The following ALS2 variants were observed in gnomAD, a reference collection of about 807,000 sequenced individuals.
ALS2 encodes the protein alsin Rho guanine nucleotide exchange factor ALS2.
In ALS2, 117 loss-of-function variants were observed where a neutral mutation model predicts 203.4. The ratio of observed to expected loss-of-function variants is 0.58; its 90% CI spans 0.50 to 0.67. The LOEUF is 0.67. ALS2 is among the 30% of genes least tolerant of loss of function. The pLI is 0.00. For synonymous variants in ALS2, 718 were observed against 725.9 expected, an observed-to-expected ratio of 0.99 and a Z score of 0.17; for missense variants, 1,715 against 1,989.4, an observed-to-expected ratio of 0.86 and a Z score of 2.62.
At chr2:201,745,491 G>A (rs1692571746) in intron 9 of ALS2, among the ~76,000 whole-genome samples, 1 of 152,068 alleles carries the variant, frequency 6.6e-6, no homozygotes, top group Non-Finnish European at 1.5e-5. Flanking sequence ...TACTAGTTTT[G>A]GGGGTTAATT....
At chr2:201,702,931 C>A (rs555133148) in intron 33 of ALS2, among the ~76,000 whole-genome samples, 5 of 152,250 alleles carry the variant, frequency 3.3e-5, no homozygotes, top group African/African-American at 1.2e-4. Flanking sequence ...GCCTGGCCAA[C>A]CTGGTGAAAC....
intron 5 of ALS2, among the ~76,000 whole-genome samples, chr2:201,756,934 T>C (rs926610372): frequency 3.3e-5 from 5 of 152,218 alleles, no homozygotes; most frequent in Non-Finnish European, 7.4e-5. Flanking sequence ...GCTGAACTGA[T>C]TGAGAAAAGG....
intron 7 of ALS2, among the ~76,000 whole-genome samples, chr2:201,750,161 G>A (rs1295836091): frequency 1.4e-5 from 2 of 145,604 alleles, no homozygotes; most frequent in Admixed American, 6.8e-5. Context: ...AGCAAAAGTC[G>A]GTATCCCAAA....
chr2:201,765,790 T>C (rs10194619), intron 3 of ALS2: 28,945 of 167,042 alleles, frequency 0.17, 2,825 homozygotes, highest in East Asian at 0.4. Flanking sequence ...AATAGACTCA[T>C]AGATTTTATA....
intron 12 of ALS2, among the ~76,000 whole-genome samples, chr2:201,738,272 G>A (rs1692011264): frequency 6.6e-6 from 1 of 152,178 alleles, no homozygotes; most frequent in Non-Finnish European, 1.5e-5. Context: ...TTACCCAGAA[G>A]CTAAATGCAA....
At position 201,759,338 on chromosome 2, in the gene ALS2, A is replaced by G. The variant is rs1693615381; in HGVS notation, c.1113+1543T>C. The G allele has an allele frequency of 2.8e-5, 25 of 906,532 alleles. 1 individual carries two copies. In the South Asian group the frequency reaches 1.1e-3, roughly 39 times the overall value. The allele number at this position is 906,532 out of a possible 1,614,324, so 56.2% of individuals were successfully genotyped here. ...TTTCCCAAGTGAGAGAGTCTCAGTT[A>G]TATCTCGCCAGAAGAGAAAAAACTT... On this transcript the variant is annotated intron_variant, in intron 4 of 33. Coordinates refer to ENST00000264276, the MANE Select transcript of ALS2 (RefSeq NM_020919.4).
At position 201,746,813 on chromosome 2, in the gene ALS2, A is replaced by G. The variant is rs375281298; in HGVS notation, c.1816-65T>C. On this transcript the variant is annotated intron_variant, in intron 8 of 33. Transcript: ENST00000264276. ...CAATCAGAGAGAACTTCGGATCCAC[A>G]GGAACTGAAACGTTAGGTTGCTTAA... 13 of 1,571,698 alleles carry G rather than the reference A, an allele frequency of 8.3e-6. No individual in the cohort carries two copies. The African/African-American group carries it at 1.5e-4, about 18-fold the overall frequency.
In ALS2 at chr2:201,726,692, G is replaced by A. The variant is rs1309144602; in HGVS notation, c.3154C>T (p.Arg1052Cys). ...CCATGAGGCTTCCCTGAAAGCCAGC[G>A]TCCATCATAGGTGGCATCCTTTAGG... ...PRLKDATYDGRWLSGKPHGRG... is the reference protein window; with the variant it reads ...PRLKDATYDGCWLSGKPHGRG... The change falls in exon 18 of 34, where the codon CGC becomes TGC. Residue 1052 changes from arginine (R) to cysteine (C), a missense_variant. Around this residue, in one of 3 missense-constraint regions of ALS2, gnomAD observed 1,227 missense variants for 1,413.5 expected, o/e 0.87. Transcript: ENST00000264276. 3.1e-6 allele frequency: 5 copies of A among 1,614,162 alleles called. No individual in the cohort carries two copies. The highest frequency in any genetic ancestry group is 1.7e-5 in the Admixed American group (1 of 60,022).
chr2:201,704,624 A>T, intron 31 of ALS2, 21 bp from the exon 32 acceptor site: 5 of 1,613,954 alleles, frequency 3.1e-6, no homozygotes, highest in Non-Finnish European at 4.2e-6. Context: ...AACAATGACA[A>T]AAAGACATCC....
At chr2:201,757,359 G>A (rs1271222469) in intron 5 of ALS2, 43 bp downstream of exon 5, 3 of 1,522,638 alleles carry the variant, frequency 2.0e-6, no homozygotes, top group Non-Finnish European at 2.7e-6. Context: ...GAGCATCCTG[G>A]ATTCCCCAAA....
At chr2:201,750,176 A>G (rs1478840027) in intron 7 of ALS2, among the ~76,000 whole-genome samples, 1 of 151,434 alleles carries the variant, frequency 6.6e-6, no homozygotes, top group Admixed American at 6.6e-5. Context: ...CCCAAAAAAA[A>G]AAAAAAGAAA....
Position 201,726,658 on chromosome 2 carries a change from T to C in ALS2, c.3182+6A>G. On this transcript the variant is annotated splice_donor_region_variant and intron_variant, in intron 18 of 33. Transcript: ENST00000264276. ...CACCCCAGGCATAAATCTTCAACAT[T>C]TTCACCTGCCATGAGGCTTCCCTGA... 1 of 1,614,062 alleles carries C rather than the reference T, an allele frequency of 6.2e-7. No individual in the cohort carries two copies. The highest frequency in any genetic ancestry group is 8.5e-7 in the Non-Finnish European group (1 of 1,179,926).
chr2:201,711,225 A>G (rs776118215), intron 25 of ALS2, 117 bp from the exon 26 acceptor site: 5 of 700,584 alleles, frequency 7.1e-6, no homozygotes, highest in East Asian at 2.6e-5. Context: ...CCAACGTAGT[A>G]CTAAACCCAA....
chr2:201,740,882 G>A (rs1007435501), intron 11 of ALS2, among the ~76,000 whole-genome samples: 2 of 152,144 alleles, frequency 1.3e-5, no homozygotes, highest in African/African-American at 4.8e-5. Context: ...CGAACTCCCT[G>A]AGGGCTGGTG....
At chr2:201,759,492 C>A (rs1223578851) in intron 4 of ALS2, 2 of 962,800 alleles carry the variant, frequency 2.1e-6, no homozygotes, top group African/African-American at 1.8e-5. Flanking sequence ...TAGAAACACA[C>A]ACATTGTTAC....
intron 13 of ALS2, among the ~76,000 whole-genome samples, chr2:201,730,649 A>G (rs1324695903): frequency 6.6e-6 from 1 of 151,800 alleles, no homozygotes; most frequent in African/African-American, 2.4e-5. Context: ...AAAAAAAGCA[A>G]CCCATTTATT....
intron 3 of ALS2, among the ~76,000 whole-genome samples, chr2:201,766,690 C>A (rs1451622644): frequency 2.4e-5 from 3 of 126,888 alleles, no homozygotes; most frequent in African/African-American, 7.9e-5. Flanking sequence ...TTGGAACCAA[C>A]CTACATGTCC....
intron 9 of ALS2, 107 bp from the exon 10 acceptor site, chr2:201,744,536 T>A: frequency 8.3e-7 from 1 of 1,203,600 alleles, no homozygotes; most frequent in Non-Finnish European, 1.2e-6. Context: ...CTGTTAAATA[T>A]TCAGAAAATT....
chr2:201,709,555 G>A (rs1205077079), intron 27 of ALS2, among the ~76,000 whole-genome samples: 1 of 152,206 alleles, frequency 6.6e-6, no homozygotes, highest in Non-Finnish European at 1.5e-5. Context: ...TGTCTACTCT[G>A]TGGTTGGGTT....
Sources: gnomAD v4.1 joint callset for allele counts (sites outside exome capture counted in the v4.1 genomes callset) on GRCh38, gnomAD v4.1.1 for gene constraint, gnomAD v4.1.1 regional missense constraint, MANE v1.5 for transcripts, NCBI Gene and HGNC (gene_info 2026-07-23, HGNC 2026-07-21) for gene names.